METAP1D: variants seen among roughly 807,000 people sequenced by gnomAD.
METAP1D encodes methionyl aminopeptidase type 1D, mitochondrial.
METAP1D carries 31 observed loss-of-function variants against 40.5 expected under a neutral mutation model. The ratio of observed to expected loss-of-function variants is 0.77; its 90% CI spans 0.58 to 1.03. The LOEUF is 1.03. Ranked by LOEUF, METAP1D falls within the 50% of genes least tolerant of loss-of-function variation. The pLI is 0.00. For missense variants in METAP1D, 411 were observed against 420.7 expected (o/e 0.98, Z 0.20); for synonymous variants, 151 against 146.4 (o/e 1.03, Z -0.22).
At chr2:172,012,268 T>C (rs983241257) in intron 1 of METAP1D, among the ~76,000 whole-genome samples, 1 of 152,230 alleles carries the variant, frequency 6.6e-6, no homozygotes, top group African/African-American at 2.4e-5. Context: ...CTCTGTGGTC[T>C]TCTGTCCTCT....
intron 1 of METAP1D, among the ~76,000 whole-genome samples, chr2:172,060,015 T>C (rs1480594760): frequency 6.6e-6 from 1 of 151,936 alleles, no homozygotes; most frequent in Admixed American, 6.6e-5. Context: ...CGCGCCACTG[T>C]ACTCCAGCCT....
chr2:172,036,466 C>G (rs1452827850), intron 1 of METAP1D, among the ~76,000 whole-genome samples: 1 of 149,764 alleles, frequency 6.7e-6, no homozygotes, highest in African/African-American at 2.5e-5. Flanking sequence ...TCCGGGTTCA[C>G]GCCATTCTCC....
chr2:172,034,433 T>G (rs533762148), intron 1 of METAP1D, among the ~76,000 whole-genome samples: 3 of 151,568 alleles, frequency 2.0e-5, no homozygotes, highest in East Asian at 1.9e-4. Flanking sequence ...GTGTGTGTGT[T>G]ATTTCTGGTT....
chr2:172,016,300 A>AAAAATATATAT (rs1553490378), intron 1 of METAP1D, among the ~76,000 whole-genome samples: 1 of 40,060 alleles, frequency 2.5e-5, no homozygotes, highest in African/African-American at 8.6e-5. Context: ...AAAAAAAAAA[A>AAAAATATATAT]ATATATATAT....
intron 1 of METAP1D, among the ~76,000 whole-genome samples, chr2:172,012,651 G>A (rs915415482): frequency 6.6e-6 from 1 of 152,032 alleles, no homozygotes. Context: ...GTTTCATGAG[G>A]GTCAGATTAA....
chr2:172,076,515 T>G (rs1690549247), intron 6 of METAP1D, among the ~76,000 whole-genome samples: 1 of 152,218 alleles, frequency 6.6e-6, no homozygotes, highest in African/African-American at 2.4e-5. Flanking sequence ...GATAAAAACC[T>G]TGACTTACCG....
intron 1 of METAP1D, among the ~76,000 whole-genome samples, chr2:172,002,250 G>A (rs1688483585): frequency 6.6e-6 from 1 of 151,130 alleles, no homozygotes; most frequent in Non-Finnish European, 1.5e-5. Context: ...GTGTATGTAT[G>A]TATATATATA....
chr2:172,032,562 G>T (rs1678396543), intron 1 of METAP1D, among the ~76,000 whole-genome samples: 1 of 152,184 alleles, frequency 6.6e-6, no homozygotes, highest in African/African-American at 2.4e-5. Context: ...CTGAACCTCA[G>T]GATGACCAAA....
At chr2:172,048,082 C>T (rs1689801804) in intron 1 of METAP1D, among the ~76,000 whole-genome samples, 1 of 152,150 alleles carries the variant, frequency 6.6e-6, no homozygotes, top group South Asian at 2.1e-4. Flanking sequence ...GAAATGCTGT[C>T]CAGTTTGTAA....
intron 1 of METAP1D, among the ~76,000 whole-genome samples, chr2:172,024,473 A>G (rs1179321187): frequency 1.3e-5 from 2 of 152,054 alleles, no homozygotes; most frequent in Non-Finnish European, 2.9e-5. Flanking sequence ...AGAAACCCAA[A>G]CCACAAAGCC....
intron 1 of METAP1D, among the ~76,000 whole-genome samples, chr2:172,007,964 G>C (rs1435104312): frequency 6.6e-6 from 1 of 151,584 alleles, no homozygotes; most frequent in Non-Finnish European, 1.5e-5. Context: ...GGGATTACAG[G>C]CATGAGCCAC....
At chr2:172,064,417 C>T (rs55956629) in intron 3 of METAP1D, 5,446 of 152,170 alleles carry the variant, frequency 0.036, 136 homozygotes, top group Non-Finnish European at 0.054. Context: ...GTCAGGAGTT[C>T]GAGACCAGCC....
chr2:172,050,428 A>G (rs940646943), intron 1 of METAP1D, among the ~76,000 whole-genome samples: 1 of 147,396 alleles, frequency 6.8e-6, no homozygotes, highest in Non-Finnish European at 1.5e-5. Flanking sequence ...TTTTGTTACT[A>G]TATCAGTTTT....
At chr2:172,019,435 G>T (rs908393182) in intron 1 of METAP1D, among the ~76,000 whole-genome samples, 6 of 152,094 alleles carry the variant, frequency 3.9e-5, no homozygotes, top group Non-Finnish European at 8.8e-5. Flanking sequence ...CTTTCATGGG[G>T]CTGGGCATGG....
intron 1 of METAP1D, among the ~76,000 whole-genome samples, chr2:172,055,508 G>A (rs1230974212): frequency 6.6e-6 from 1 of 152,166 alleles, no homozygotes; most frequent in Non-Finnish European, 1.5e-5. Context: ...GATAAACAAA[G>A]TTGAGGGCCC....
chr2:172,054,954 A>G (rs968417946), intron 1 of METAP1D, among the ~76,000 whole-genome samples: 1 of 152,012 alleles, frequency 6.6e-6, no homozygotes, highest in Non-Finnish European at 1.5e-5. Context: ...AGAAAACCCT[A>G]TATAGAGTTG....
chr2:172,000,007 G>C lies in METAP1D; in HGVS notation c.38G>C (p.Arg13Thr), dbSNP rs1688419959. 3 of 1,336,880 alleles carry C rather than the reference G, an allele frequency of 2.2e-6. No individual in the cohort carries two copies. Among genetic ancestry groups the C allele is most frequent in the Non-Finnish European group, 2.9e-6 (3 of 1,034,734 alleles). The allele number at this position is 1,336,880 out of a possible 1,614,324, so 82.8% of individuals were successfully genotyped here. ...APSGVHLLVRRGSHRIFSSPL... is the reference protein window; with the variant it reads ...APSGVHLLVRTGSHRIFSSPL... ...AGTGGCGTCCACCTGCTCGTCCGCAGAGGTAAGCGCGTGGAGGAGAGCCCC... is the reference window on the plus strand; with the variant it reads ...AGTGGCGTCCACCTGCTCGTCCGCACAGGTAAGCGCGTGGAGGAGAGCCCC... The change falls in exon 1 of 10, where the codon AGA becomes ACA. Residue 13 changes from arginine to threonine, a missense_variant and splice_region_variant. By Grantham distance (71) the Arg-to-Thr change is moderately conservative. Coordinates refer to ENST00000315796, the MANE Select transcript of METAP1D (RefSeq NM_199227.3).
intron 1 of METAP1D, among the ~76,000 whole-genome samples, chr2:172,019,524 T>G (rs905419138): frequency 6.6e-6 from 1 of 151,860 alleles, no homozygotes; most frequent in Non-Finnish European, 1.5e-5. Flanking sequence ...AAAACCAGCC[T>G]GGGCAACATA....
At chr2:172,005,995 C>T (rs1688571453) in intron 1 of METAP1D, among the ~76,000 whole-genome samples, 1 of 151,630 alleles carries the variant, frequency 6.6e-6, no homozygotes, top group South Asian at 2.1e-4. Context: ...ATATATTGAC[C>T]TGCATTTGTT....
Sources: allele counts gnomAD v4.1 joint callset (sites outside exome capture counted in the v4.1 genomes callset), GRCh38; gene constraint gnomAD v4.1.1; transcripts MANE v1.5; gene names NCBI Gene and HGNC (gene_info 2026-07-23, HGNC 2026-07-21).